Variants in RFX3 observed in about 807,000 individuals in gnomAD.
RFX3 encodes the protein transcription factor RFX3.
In RFX3, 14 loss-of-function variants were observed where a neutral mutation model predicts 98.6. The observed-to-expected ratio is 0.14, with a 90% CI of 0.09 to 0.22. RFX3 has a LOEUF of 0.22. RFX3 is among the 10% of genes least tolerant of loss of function. The pLI is 1.00. For synonymous variants in RFX3, 383 were observed against 328.4 expected (o/e 1.17, Z -1.80); for missense variants, 639 against 926.9 (o/e 0.69, Z 4.03).
intron 11 of RFX3, among the ~76,000 whole-genome samples, chr9:3,268,334 C>T (rs1823926626): frequency 6.6e-6 from 1 of 151,700 alleles, no homozygotes; most frequent in South Asian, 2.1e-4. Flanking sequence ...GCTCTCTCTA[C>T]AGGGATTCAT....
chr9:3,505,321 T>TAAA (rs1410575541), intron 1 of RFX3, among the ~76,000 whole-genome samples: 1 of 96,180 alleles, frequency 1.0e-5, no homozygotes, highest in Non-Finnish European at 1.7e-5. Flanking sequence ...TATATTAATG[T>TAAA]ATATTTATAT....
chr9:3,258,693 A>G (rs1288746900), intron 13 of RFX3, among the ~76,000 whole-genome samples: 1 of 152,038 alleles, frequency 6.6e-6, no homozygotes, highest in Non-Finnish European at 1.5e-5. Context: ...CAAAAAAGGA[A>G]CAAAACATTA....
intron 3 of RFX3, among the ~76,000 whole-genome samples, chr9:3,345,232 C>G (rs1391799957): frequency 6.6e-6 from 1 of 151,792 alleles, no homozygotes; most frequent in Non-Finnish European, 1.5e-5. Context: ...TTTAGGGAGA[C>G]TGGGAGGAAA....
chr9:3,344,884 T>C (rs949449825), intron 3 of RFX3: 4 of 711,086 alleles, frequency 5.6e-6, no homozygotes, highest in African/African-American at 5.3e-5. Flanking sequence ...CCTGGACCTA[T>C]ACAACAAATA....
intron 1 of RFX3, among the ~76,000 whole-genome samples, chr9:3,429,290 G>T (rs1300285963): frequency 6.6e-6 from 1 of 150,838 alleles, no homozygotes; most frequent in African/African-American, 2.4e-5. Flanking sequence ...CCAAAGTGCT[G>T]GGATTACAGG....
intron 1 of RFX3, among the ~76,000 whole-genome samples, chr9:3,399,810 A>C (rs549410607): frequency 2.1e-4 from 32 of 151,762 alleles, no homozygotes; most frequent in Non-Finnish European, 3.8e-4. Context: ...TTAGCCAGGC[A>C]TGGTGGTGCA....
At position 3,525,941 on chromosome 9, in the gene RFX3, G is replaced by GGA. The variant is rs145015971; in HGVS notation, c.-205_-204dup. On this transcript the variant is annotated 5_prime_UTR_variant, in exon 1 of 17. Coordinates refer to ENST00000617270, the MANE Select transcript of RFX3 (RefSeq NM_001282116.2). The stretch of plus-strand genomic sequence containing the variant: ...TAACTCACAAAAGAGAGAGAGAGAG[G>GGA]GAGAGAGAGAGAGAGCGAGAGGGAG... 5.0e-3 allele frequency: 3,904 copies of GGA among 779,626 alleles called. 94 individuals carry two copies. The African/African-American group carries it at 0.061, about 12-fold the overall frequency. 48.3% of individuals were successfully genotyped at this position (779,626 alleles called of 1,614,324 possible). A position where few individuals can be genotyped will look rare whatever the true frequency, so the allele number is the denominator to read the frequency against.
chr9:3,312,542 T>C (rs1414411238), intron 4 of RFX3, among the ~76,000 whole-genome samples: 9 of 151,076 alleles, frequency 6.0e-5, no homozygotes, highest in Non-Finnish European at 1.3e-4. Context: ...AACTGAGAGA[T>C]TCGGGATAAA....
intron 1 of RFX3, among the ~76,000 whole-genome samples, chr9:3,513,877 T>C (rs566404770): frequency 2.0e-5 from 3 of 152,212 alleles, no homozygotes; most frequent in Non-Finnish European, 4.4e-5. Flanking sequence ...TGCTGAAATA[T>C]AAACCCACAA....
chr9:3,467,060 A>G (rs1439534307), intron 1 of RFX3, among the ~76,000 whole-genome samples: 1 of 144,564 alleles, frequency 6.9e-6, no homozygotes, highest in Non-Finnish European at 1.5e-5. Flanking sequence ...ATATACATAC[A>G]TATATATAAG....
intron 1 of RFX3, among the ~76,000 whole-genome samples, chr9:3,408,373 CA>C (rs774993582): frequency 6.6e-6 from 1 of 152,104 alleles, no homozygotes; most frequent in Non-Finnish European, 1.5e-5. Flanking sequence ...TGCTTGAGCA[CA>C]GGGCCATCCT....
intron 15 of RFX3, among the ~76,000 whole-genome samples, chr9:3,241,905 A>C (rs1409412335): frequency 6.6e-6 from 1 of 152,210 alleles, no homozygotes; most frequent in Non-Finnish European, 1.5e-5. Flanking sequence ...GGCATCCTGT[A>C]AGGCAGAGGA....
chr9:3,268,521 C>T (rs187943637), intron 11 of RFX3, among the ~76,000 whole-genome samples: 1 of 151,832 alleles, frequency 6.6e-6, no homozygotes, highest in African/African-American at 2.4e-5. Flanking sequence ...TACTTTGCTA[C>T]ACCTCATTGT....
chr9:3,308,238 G>A (rs967669799), intron 4 of RFX3, among the ~76,000 whole-genome samples: 13 of 152,194 alleles, frequency 8.5e-5, no homozygotes, highest in African/African-American at 2.9e-4. Context: ...GAAGGTCCTG[G>A]ACTACTGCCT....
chr9:3,436,923 T>C (rs887083843), intron 1 of RFX3, among the ~76,000 whole-genome samples: 3 of 151,896 alleles, frequency 2.0e-5, no homozygotes, highest in Non-Finnish European at 4.4e-5. Flanking sequence ...TGGTAACTCC[T>C]GCAGCCAACT....
intron 4 of RFX3, among the ~76,000 whole-genome samples, chr9:3,309,204 T>G (rs1168794025): frequency 1.3e-5 from 2 of 152,126 alleles, no homozygotes; most frequent in African/African-American, 4.8e-5. Context: ...ACTTCCATGA[T>G]TTCTCAGGAA....
intron 1 of RFX3, among the ~76,000 whole-genome samples, chr9:3,442,730 A>G (rs535257843): frequency 1.3e-5 from 2 of 152,354 alleles, no homozygotes; most frequent in South Asian, 4.1e-4. Flanking sequence ...AAATTATTCC[A>G]AAGTAAAAAG....
chr9:3,503,267 C>A (rs1816248738), intron 1 of RFX3, among the ~76,000 whole-genome samples: 1 of 151,898 alleles, frequency 6.6e-6, no homozygotes. Flanking sequence ...AGGATAGAAA[C>A]CTAGATTAAA....
intron 2 of RFX3, among the ~76,000 whole-genome samples, chr9:3,370,088 G>A (rs988325657): frequency 2.7e-5 from 4 of 146,330 alleles, no homozygotes; most frequent in Admixed American, 7.0e-5. Flanking sequence ...TGATCCGCCC[G>A]CCTCGGCCTC....
Sources: gnomAD v4.1 joint callset for allele counts (sites outside exome capture counted in the v4.1 genomes callset) on GRCh38, gnomAD v4.1.1 for gene constraint, MANE v1.5 for transcripts, NCBI Gene and HGNC (gene_info 2026-07-23, HGNC 2026-07-21) for gene names.